The following HIVEP3 variants were observed in gnomAD, a reference collection of about 807,000 sequenced individuals.
HIVEP3 encodes transcription factor HIVEP3.
A neutral mutation model predicts 152.8 loss-of-function variants in HIVEP3; 49 were observed. The ratio of observed to expected loss-of-function variants is 0.32; its 90% CI spans 0.26 to 0.41. HIVEP3 has a LOEUF of 0.41. Among genes scored for constraint, HIVEP3 ranks in the 10% least tolerant of loss-of-function variants. The pLI is 1.00. For missense variants in HIVEP3, 2,790 were observed against 3,103.3 expected, an observed-to-expected ratio of 0.90 and a Z score of 2.40; for synonymous variants, 1,269 against 1,289.0, an observed-to-expected ratio of 0.98 and a Z score of 0.33.
chr1:41,750,345 C>T (rs1647140164), intron 1 of HIVEP3, among the ~76,000 whole-genome samples: 6 of 152,160 alleles, frequency 3.9e-5, no homozygotes, highest in Admixed American at 6.5e-5. Context: ...GCTGAATAAA[C>T]GAGGGAGTGA....
At chr1:41,978,884 G>GC (rs1314877362) in intron 1 of HIVEP3, among the ~76,000 whole-genome samples, 3 of 152,102 alleles carry the variant, frequency 2.0e-5, no homozygotes, top group African/African-American at 7.2e-5. Flanking sequence ...CCCAGTCCTT[G>GC]CCCCTCACCC....
At chr1:41,555,585 G>A (rs762419992) in intron 5 of HIVEP3, among the ~76,000 whole-genome samples, 1 of 152,182 alleles carries the variant, frequency 6.6e-6, no homozygotes, top group Non-Finnish European at 1.5e-5. Flanking sequence ...CGTCGATCAC[G>A]CTGGGAGCTG....
chr1:41,596,529 C>A (rs568620139), intron 3 of HIVEP3, among the ~76,000 whole-genome samples: 1 of 152,338 alleles, frequency 6.6e-6, no homozygotes, highest in South Asian at 2.1e-4. Context: ...CCTGCCTCCC[C>A]CTGGCCTGGG....
chr1:41,545,056 T>C (rs914174031), intron 5 of HIVEP3, among the ~76,000 whole-genome samples: 308 of 24,954 alleles, frequency 0.012, no homozygotes, highest in East Asian at 0.043. Flanking sequence ...ACCACCACCA[T>C]CACTACCACC....
intron 2 of HIVEP3, among the ~76,000 whole-genome samples, chr1:41,684,220 C>A (rs143007667): frequency 1.3e-5 from 2 of 152,100 alleles, no homozygotes; most frequent in Non-Finnish European, 2.9e-5. Flanking sequence ...GGTGACTCAG[C>A]GAGACAAGCA....
Position 41,845,419 on chromosome 1 carries a change from G to GCACACACACACA in HIVEP3, c.-801+72982_-801+72993dup. 1.5e-5 allele frequency among the ~76,000 whole-genome samples: 2 copies of GCACACACACACA among 136,186 alleles called. 1 individual carries two copies. Among genetic ancestry groups the GCACACACACACA allele is most frequent in the African/African-American group, 5.8e-5 (2 of 34,656 alleles). 89.3% of individuals were successfully genotyped at this position (136,186 alleles called of 152,430 possible). ...ACACCTCCTATACACACACACACAC[G>GCACACACACACA]CACACACACACACACACACACACAC... On this transcript the variant is annotated intron_variant, in intron 1 of 8. Transcript: ENST00000372583.
intron 1 of HIVEP3, among the ~76,000 whole-genome samples, chr1:41,872,726 G>A (rs1009680246): frequency 3.5e-4 from 53 of 152,108 alleles, no homozygotes; most frequent in African/African-American, 9.7e-4. Context: ...TGCATGTGTC[G>A]GTAGTTTGTT....
At chr1:42,007,828 A>AG (rs1182778333) in intron 1 of HIVEP3, among the ~76,000 whole-genome samples, 2 of 151,812 alleles carry the variant, frequency 1.3e-5, no homozygotes, top group East Asian at 3.9e-4. Flanking sequence ...GCTTAAAAAA[A>AG]TGAGTACGGA....
At chr1:41,544,862 C>T (rs1433223274) in intron 5 of HIVEP3, among the ~76,000 whole-genome samples, 26 of 120,696 alleles carry the variant, frequency 2.2e-4, no homozygotes, top group Admixed American at 3.1e-4. Context: ...CCACCACCAC[C>T]ACCACCACCA....
rs1347004433 is a variant in HIVEP3, at chr1:41,760,217, C to T, written c.-800-59222G>A. On this transcript the variant is annotated intron_variant, in intron 1 of 8. Coordinates refer to ENST00000372583, the MANE Select transcript of HIVEP3 (RefSeq NM_024503.5). ...AAATGGGATGAATAAGAGTACCTGC[C>T]TCATAGGACTCTAGTGTTAAAACAG... 3.9e-5 allele frequency among the ~76,000 whole-genome samples: 6 copies of T among 152,196 alleles called. No homozygotes were observed. In the East Asian group the frequency reaches 1.2e-3, roughly 29 times the overall value.
At chr1:41,601,502 G>C (rs1644747712) in intron 3 of HIVEP3, among the ~76,000 whole-genome samples, 1 of 151,918 alleles carries the variant, frequency 6.6e-6, no homozygotes, top group African/African-American at 2.4e-5. Flanking sequence ...TATTGTTTTA[G>C]GTGTTATTAT....
chr1:41,609,007 C>T (rs534175797), intron 3 of HIVEP3, among the ~76,000 whole-genome samples: 2 of 151,680 alleles, frequency 1.3e-5, no homozygotes, highest in South Asian at 4.2e-4. Flanking sequence ...TCCCTTGAAC[C>T]TAGGAGGTGG....
chr1:41,631,992 C>T (rs1308515294), intron 2 of HIVEP3, among the ~76,000 whole-genome samples: 1 of 152,128 alleles, frequency 6.6e-6, no homozygotes, highest in African/African-American at 2.4e-5. Flanking sequence ...CTGAATCCTG[C>T]CCATCTTCCC....
intron 1 of HIVEP3, among the ~76,000 whole-genome samples, chr1:41,967,243 A>G (rs940354407): frequency 2.0e-5 from 3 of 152,218 alleles, no homozygotes; most frequent in Non-Finnish European, 4.4e-5. Context: ...TAGAATATAC[A>G]TTATTCTTAT....
chr1:41,727,221 C>A (rs1477225818), intron 1 of HIVEP3, among the ~76,000 whole-genome samples: 2 of 152,246 alleles, frequency 1.3e-5, no homozygotes, highest in Non-Finnish European at 2.9e-5. Context: ...GGGTGGACTT[C>A]CTCCCATCTC....
intron 1 of HIVEP3, among the ~76,000 whole-genome samples, chr1:41,807,405 T>C (rs1650698097): frequency 6.6e-6 from 1 of 152,278 alleles, no homozygotes; most frequent in Non-Finnish European, 1.5e-5. Context: ...ATACTTCACC[T>C]GTCTGGAGTG....
At chr1:41,798,929 G>A (rs1650145912) in intron 1 of HIVEP3, among the ~76,000 whole-genome samples, 2 of 152,240 alleles carry the variant, frequency 1.3e-5, no homozygotes, top group South Asian at 4.1e-4. Context: ...CTGCCCCAAT[G>A]TTGACATGAA....
At chr1:41,615,462 A>G (rs985595454) in intron 3 of HIVEP3, among the ~76,000 whole-genome samples, 2 of 152,348 alleles carry the variant, frequency 1.3e-5, no homozygotes, top group South Asian at 4.1e-4. Context: ...TCTAAAGTCC[A>G]CGTTTGACAG....
intron 1 of HIVEP3, among the ~76,000 whole-genome samples, chr1:42,027,328 G>A (rs144009040): frequency 5.3e-5 from 8 of 152,088 alleles, no homozygotes; most frequent in African/African-American, 1.7e-4. Context: ...CAGGACTATT[G>A]CATAGCCTCA....
Sources: gnomAD v4.1 joint callset for allele counts (sites outside exome capture counted in the v4.1 genomes callset) on GRCh38, gnomAD v4.1.1 for gene constraint, MANE v1.5 for transcripts, NCBI Gene and HGNC (gene_info 2026-07-23, HGNC 2026-07-21) for gene names.